The following ZNF804A variants were observed in gnomAD, a reference collection of about 807,000 sequenced individuals.
ZNF804A encodes the protein zinc finger protein 804A.
A neutral mutation model predicts 16.5 loss-of-function variants in ZNF804A; 2 were observed. That is an observed-to-expected ratio of 0.12 (90% confidence interval 0.05 to 0.38). ZNF804A has a LOEUF of 0.38. Ranked by LOEUF, ZNF804A falls within the 10% of genes least tolerant of loss-of-function variation. ZNF804A has a pLI of 0.99. For synonymous variants in ZNF804A, 534 were observed against 489.6 expected (o/e 1.09, Z -1.20); for missense variants, 1,473 against 1,390.7 (o/e 1.06, Z -0.94).
At position 184,912,599 on chromosome 2, in the gene ZNF804A, C is replaced by T. The variant is rs908446357; in HGVS notation, c.256-21004C>T. On this transcript the variant is annotated intron_variant, in intron 2 of 3. Transcript: ENST00000302277. ...ACTAGCGTTTCAATTTCTCTACATC[C>T]TTGCCAACATGTATTATGTTCTATT... 1.1e-4 allele frequency among the ~76,000 whole-genome samples: 17 copies of T among 152,152 alleles called. No homozygotes were observed. The South Asian group carries it at 2.5e-3, about 22-fold the overall frequency.
chr2:184,761,298 G>A (rs550402131), intron 1 of ZNF804A, among the ~76,000 whole-genome samples: 6 of 151,996 alleles, frequency 3.9e-5, no homozygotes, highest in Non-Finnish European at 8.8e-5. Flanking sequence ...AATGTAGTAA[G>A]GTTTTATGAA....
chr2:184,632,264 T>C (rs1405644841), intron 1 of ZNF804A, among the ~76,000 whole-genome samples: 1 of 152,164 alleles, frequency 6.6e-6, no homozygotes, highest in Non-Finnish European at 1.5e-5. Flanking sequence ...AAGGTATAAA[T>C]ATTATATTAT....
rs906057988 is a variant in ZNF804A, at chr2:184,605,866, C to G, written c.111+6796C>G. Among the ~76,000 whole-genome samples, 62 of 152,182 alleles carry G rather than the reference C, an allele frequency of 4.1e-4. 1 individual carries two copies. Among genetic ancestry groups the G allele is most frequent in the African/African-American group, 1.4e-3 (60 of 41,526 alleles). ...AATTTTATAAATGTATTATAGTACA[C>G]TTCCTATTACAGTATAAGATTAAGT... On this transcript the variant is annotated intron_variant, in intron 1 of 3. Transcript: ENST00000302277.
intron 1 of ZNF804A, among the ~76,000 whole-genome samples, chr2:184,816,791 TC>T (rs141726381): frequency 9.1e-4 from 138 of 152,056 alleles, no homozygotes; most frequent in African/African-American, 3.2e-3. Flanking sequence ...TACCTCTCTC[TC>T]ACTCCTCTAC....
At chr2:184,761,385 T>C (rs1342901324) in intron 1 of ZNF804A, among the ~76,000 whole-genome samples, 13 of 152,146 alleles carry the variant, frequency 8.5e-5, no homozygotes, top group Non-Finnish European at 1.8e-4. Flanking sequence ...CAAATTGTGT[T>C]CAGCCAGGTA....
At chr2:184,856,322 C>T (rs1372005919) in intron 1 of ZNF804A, among the ~76,000 whole-genome samples, 5 of 151,866 alleles carry the variant, frequency 3.3e-5, no homozygotes, top group Non-Finnish European at 7.4e-5. Context: ...TTTCTCTTCC[C>T]TCAACTGTTT....
At chr2:184,731,251 C>CA (rs563068533) in intron 1 of ZNF804A, among the ~76,000 whole-genome samples, 23,982 of 45,612 alleles carry the variant, frequency 0.53, 8,751 homozygotes, top group East Asian at 0.65. Context: ...GGCTCCGTCG[C>CA]AAAAAAAAAA....
At chr2:184,893,106 A>C (rs866645017) in intron 2 of ZNF804A, among the ~76,000 whole-genome samples, 1 of 152,086 alleles carries the variant, frequency 6.6e-6, no homozygotes, top group Admixed American at 6.5e-5. Flanking sequence ...TTAATGTTTT[A>C]TTTTCAATTT....
intron 1 of ZNF804A, among the ~76,000 whole-genome samples, chr2:184,782,468 A>C (rs1413012071): frequency 1.3e-5 from 2 of 151,564 alleles, no homozygotes; most frequent in Admixed American, 1.3e-4. Context: ...CAACAAAAAC[A>C]TGAAAAGACT....
intron 1 of ZNF804A, among the ~76,000 whole-genome samples, chr2:184,843,848 A>G (rs1443833020): frequency 6.6e-6 from 1 of 152,108 alleles, no homozygotes; most frequent in Admixed American, 6.6e-5. Flanking sequence ...TCACCTTTTA[A>G]TTGGTATAAT....
chr2:184,843,824 C>A (rs1695474229), intron 1 of ZNF804A, among the ~76,000 whole-genome samples: 1 of 152,080 alleles, frequency 6.6e-6, no homozygotes, highest in Non-Finnish European at 1.5e-5. Context: ...TTTTTTAACT[C>A]ACTCTGACAA....
At chr2:184,787,161 G>A (rs1048383495) in intron 1 of ZNF804A, among the ~76,000 whole-genome samples, 12 of 151,758 alleles carry the variant, frequency 7.9e-5, no homozygotes, top group Non-Finnish European at 1.6e-4. Flanking sequence ...TCATCTTTAT[G>A]TTCATTCTTA....
intron 2 of ZNF804A, among the ~76,000 whole-genome samples, chr2:184,929,346 C>T (rs1008458657): frequency 1.3e-5 from 2 of 152,094 alleles, no homozygotes; most frequent in Non-Finnish European, 1.5e-5. Flanking sequence ...TGCATGCTTT[C>T]TTTGGAAAAT....
Position 184,795,944 on chromosome 2 carries a change from C to T in ZNF804A, c.112-70425C>T, listed in dbSNP as rs572621136. On this transcript the variant is annotated intron_variant, in intron 1 of 3. Coordinates refer to ENST00000302277, the MANE Select transcript of ZNF804A (RefSeq NM_194250.2). ...AATGGTTATTAAAAAATTACCATGT[C>T]GAATGCTTTTTTTTTACATCTATTG... Among the ~76,000 whole-genome samples, 6 of 148,048 alleles carry T rather than the reference C, an allele frequency of 4.1e-5. No homozygotes were observed. In the East Asian group the frequency reaches 1.2e-3, roughly 29 times the overall value.
intron 1 of ZNF804A, among the ~76,000 whole-genome samples, chr2:184,626,861 G>T (rs954681713): frequency 6.6e-6 from 1 of 152,164 alleles, no homozygotes; most frequent in Non-Finnish European, 1.5e-5. Context: ...ATTGGGATGG[G>T]TATGAGCAGA....
intron 1 of ZNF804A, among the ~76,000 whole-genome samples, chr2:184,651,045 A>C (rs992343625): frequency 3.3e-5 from 5 of 152,174 alleles, no homozygotes; most frequent in Non-Finnish European, 5.9e-5. Context: ...AAATTATACT[A>C]TAAGGCTATT....
rs1685834552 is a variant in ZNF804A at position 184,938,477 on chromosome 2, A to T, written c.3081A>T (p.Leu1027Phe). The T allele has an allele frequency of 6.2e-7, 1 of 1,613,968 alleles. No individual in the cohort carries two copies. The highest frequency in any genetic ancestry group is 1.3e-5 in the African/African-American group (1 of 74,918). ...FVTAEQILAPLALPEQALLIP... is the reference protein window; with the variant it reads ...FVTAEQILAPFALPEQALLIP... Reference sequence around the variant, plus strand: ...CAGCTGAGCAAATCCTGGCTCCATTAGCTTTACCAGAGCAAGCATTATTGA... The same window carrying T: ...CAGCTGAGCAAATCCTGGCTCCATTTGCTTTACCAGAGCAAGCATTATTGA... Residue 1027 changes from leucine (L) to phenylalanine (F), a missense_variant, in exon 4 of 4, where the codon TTA becomes TTT. Physicochemically the swap from Leu to Phe is conservative, Grantham distance 22 (BLOSUM62 0). Coordinates refer to ENST00000302277, the MANE Select transcript of ZNF804A (RefSeq NM_194250.2).
intron 1 of ZNF804A, among the ~76,000 whole-genome samples, chr2:184,734,356 G>A (rs1432203980): frequency 6.6e-6 from 1 of 151,836 alleles, no homozygotes; most frequent in Non-Finnish European, 1.5e-5. Flanking sequence ...ACAAACTTTT[G>A]TAAATTGTGT....
At chr2:184,795,350 A>G (rs1384500707) in intron 1 of ZNF804A, among the ~76,000 whole-genome samples, 1 of 152,168 alleles carries the variant, frequency 6.6e-6, no homozygotes, top group Non-Finnish European at 1.5e-5. Flanking sequence ...CAAGGTGGAA[A>G]TTAAAAATTT....
Sources: gnomAD v4.1 joint callset for allele counts (sites outside exome capture counted in the v4.1 genomes callset) on GRCh38, gnomAD v4.1.1 for gene constraint, MANE v1.5 for transcripts, NCBI Gene and HGNC (gene_info 2026-07-23, HGNC 2026-07-21) for gene names.